GARRE1: variants seen among roughly 807,000 people sequenced by gnomAD.
GARRE1 encodes granule associated Rac and RHOG effector 1, also known as granule associated Rac and RHOG effector protein 1.
Under a neutral mutation model 103.2 loss-of-function variants are expected in GARRE1, and 49 were observed. The observed-to-expected ratio is 0.47, with a 90% CI of 0.38 to 0.60. The LOEUF (loss-of-function observed/expected upper bound fraction) is 0.60, where lower values mean the gene tolerates loss of function less well. GARRE1 is among the 20% of genes least tolerant of loss of function. The probability of loss-of-function intolerance (pLI) is 0.00; values close to 1 mark genes in which losing one functional copy is unlikely to be tolerated. For synonymous variants in GARRE1, 505 were observed against 532.8 expected, an observed-to-expected ratio of 0.95 and a Z score of 0.72; for missense variants, 1,199 against 1,370.5, an observed-to-expected ratio of 0.87 and a Z score of 1.98.
chr19:34,336,597 A>G (rs2074162313), intron 8 of GARRE1, among the ~76,000 whole-genome samples: 1 of 151,804 alleles, frequency 6.6e-6, no homozygotes, highest in African/African-American at 2.4e-5. Context: ...CTTCCTGAGT[A>G]GCTGGGATTA....
At chr19:34,273,469 A>G (rs1221742671) in intron 1 of GARRE1, among the ~76,000 whole-genome samples, 5 of 152,194 alleles carry the variant, frequency 3.3e-5, no homozygotes, top group African/African-American at 9.7e-5. Context: ...GGCAAGGGTG[A>G]CTTCATGAAT....
chr19:34,262,249 C>CTGGGATTACA (rs2073722767), intron 1 of GARRE1, among the ~76,000 whole-genome samples: 1 of 131,196 alleles, frequency 7.6e-6, no homozygotes, highest in Non-Finnish European at 1.6e-5. Context: ...TCCCAAAGTG[C>CTGGGATTACA]TGGGATTACA....
rs1053813234 is a variant in GARRE1, at chr19:34,352,738, A to G, written c.2996A>G (p.Tyr999Cys). The stretch of plus-strand genomic sequence containing the variant: ...CTGCCCAGCCCCAGCGCACCACTCT[A>G]TGCAGTCACCAGCCCTGGCAGCCAG... ...STLPSPSAPL[Y>C]AVTSPGSQWN... is the part of the protein sequence containing the mutation. Residue 999 changes from tyrosine (Y) to cysteine (C), a missense_variant, in exon 14 of 14, where the codon TAT becomes TGT. Coordinates refer to ENST00000299505, the MANE Select transcript of GARRE1 (RefSeq NM_014686.5). 4 of 1,614,062 alleles carry G rather than the reference A, an allele frequency of 2.5e-6. No individual in the cohort carries two copies. The East Asian group carries it at 6.7e-5, about 27-fold the overall frequency.
intron 8 of GARRE1, 52 bp downstream of exon 8, chr19:34,333,853 C>T (rs1379706560): frequency 1.9e-6 from 2 of 1,065,418 alleles, no homozygotes; most frequent in Non-Finnish European, 2.9e-6. Context: ...GACGTTTGCA[C>T]ATCTTTGAAA....
intron 10 of GARRE1, among the ~76,000 whole-genome samples, chr19:34,346,543 A>G (rs1402027655): frequency 6.6e-6 from 1 of 152,188 alleles, no homozygotes; most frequent in African/African-American, 2.4e-5. Context: ...CGTTCAGGTT[A>G]TCAGTTGGCC....
At chr19:34,331,194 C>T (rs1360804413) in intron 7 of GARRE1, among the ~76,000 whole-genome samples, 2 of 151,282 alleles carry the variant, frequency 1.3e-5, no homozygotes, top group Admixed American at 6.7e-5. Context: ...CCACCACACC[C>T]GGCCCTTAAA....
chr19:34,280,716 G>A (rs922923441), intron 1 of GARRE1, among the ~76,000 whole-genome samples: 3 of 152,038 alleles, frequency 2.0e-5, no homozygotes, highest in African/African-American at 7.2e-5. Flanking sequence ...GATCGTTAAT[G>A]GCACTTATTT....
At chr19:34,257,553 C>T (rs768505186) in intron 1 of GARRE1, among the ~76,000 whole-genome samples, 3 of 152,038 alleles carry the variant, frequency 2.0e-5, no homozygotes, top group Non-Finnish European at 4.4e-5. Flanking sequence ...AAATGATGAT[C>T]TTCCTAGGTA....
rs1377230498 is a variant in GARRE1, at chr19:34,314,291, T to C, written c.496-5616T>C. 1.7e-4 allele frequency among the ~76,000 whole-genome samples: 26 copies of C among 152,144 alleles called. 1 individual carries two copies. Among genetic ancestry groups the C allele is most frequent in the Non-Finnish European group, 1.5e-5 (1 of 68,032 alleles). On this transcript the variant is annotated intron_variant, in intron 2 of 13. Coordinates refer to ENST00000299505, the MANE Select transcript of GARRE1 (RefSeq NM_014686.5). ...GTAAAACTTCCTGTGTGTATTGATA[T>C]GGTAACAGATTTTTAATATATTTTG...
chr19:34,312,448 T>C (rs1441382652), intron 2 of GARRE1, among the ~76,000 whole-genome samples: 1 of 152,226 alleles, frequency 6.6e-6, no homozygotes, highest in East Asian at 1.9e-4. Context: ...CAATAACTCC[T>C]GGTTGCCCTC....
intron 1 of GARRE1, among the ~76,000 whole-genome samples, chr19:34,272,812 GT>G (rs1568524735): frequency 6.6e-6 from 1 of 152,190 alleles, no homozygotes; most frequent in African/African-American, 2.4e-5. Context: ...TAGCTGTGTG[GT>G]GACCACTACC....
At chr19:34,330,485 G>A (rs1599776483) in intron 7 of GARRE1, 138 bp downstream of exon 7, 1 of 793,066 alleles carries the variant, frequency 1.3e-6, no homozygotes, top group Admixed American at 2.8e-5. Flanking sequence ...GACCAGGCAG[G>A]TAGACAAGGT....
chr19:34,277,251 A>G (rs1261126272), intron 1 of GARRE1, among the ~76,000 whole-genome samples: 3 of 152,180 alleles, frequency 2.0e-5, no homozygotes, highest in Non-Finnish European at 4.4e-5. Context: ...GATTTTATTC[A>G]AAGTGCCAGG....
chr19:34,352,869 C>G lies in GARRE1; in HGVS notation c.3127C>G (p.Pro1043Ala), dbSNP rs1372958033. ...YVQTPPQPPP[P>A]PAHKAAPKGF... ...GCAGACCCCACCCCAGCCCCCACCCCCACCAGCACACAAGGCAGCACCCAA... is the reference window on the plus strand; with the variant it reads ...GCAGACCCCACCCCAGCCCCCACCCGCACCAGCACACAAGGCAGCACCCAA... Residue 1043 changes from proline (P) to alanine (A), a missense_variant, in exon 14 of 14, where the codon CCA becomes GCA. Transcript: ENST00000299505. 3.1e-6 allele frequency: 5 copies of G among 1,589,444 alleles called. No homozygotes were observed. The highest frequency in any genetic ancestry group is 3.6e-5 in the Admixed American group (2 of 55,824).
At chr19:34,331,991 T>TAAAA (rs77839977) in intron 7 of GARRE1, among the ~76,000 whole-genome samples, 1 of 136,078 alleles carries the variant, frequency 7.3e-6, no homozygotes, top group African/African-American at 2.7e-5. Flanking sequence ...ATCCAGTCTT[T>TAAAA]AAAAAAAAAA....
intron 2 of GARRE1, among the ~76,000 whole-genome samples, chr19:34,306,982 A>G (rs1019219224): frequency 2.0e-5 from 3 of 152,134 alleles, no homozygotes; most frequent in African/African-American, 7.2e-5. Context: ...GAAAGGGATG[A>G]GAGAGCAAGC....
intron 3 of GARRE1, among the ~76,000 whole-genome samples, chr19:34,323,573 C>T (rs2074099144): frequency 6.6e-6 from 1 of 152,162 alleles, no homozygotes; most frequent in Non-Finnish European, 1.5e-5. Flanking sequence ...TAATTGGAGG[C>T]TGTGTGTGGG....
In GARRE1 at chr19:34,299,927, A is replaced by G. The variant is rs2073967820; in HGVS notation, c.-547A>G. The G allele has an allele frequency of 6.6e-6, 1 of 152,272 alleles. No individual in the cohort carries two copies. The allele number at this position is 152,272 out of a possible 1,614,324, so 9.4% of individuals were successfully genotyped here. A position where few individuals can be genotyped will look rare whatever the true frequency, so the allele number is the denominator to read the frequency against. On this transcript the variant is annotated 5_prime_UTR_variant, in exon 2 of 14. Coordinates refer to ENST00000299505, the MANE Select transcript of GARRE1 (RefSeq NM_014686.5). ...TTGCATAGAAGCAGCCTTACAGGTA[A>G]ACGGATTTGACGGGCAGGCTCTGTC... is the stretch of plus-strand genomic sequence containing the variant.
At chr19:34,319,207 T>G (rs1443787406) in intron 2 of GARRE1, among the ~76,000 whole-genome samples, 6 of 152,196 alleles carry the variant, frequency 3.9e-5, no homozygotes, top group Admixed American at 2.0e-4. Flanking sequence ...CATCTTATTA[T>G]AATTACATAT....
Sources: gnomAD v4.1 joint callset for allele counts (sites outside exome capture counted in the v4.1 genomes callset) on GRCh38, gnomAD v4.1.1 for gene constraint, MANE v1.5 for transcripts, NCBI Gene and HGNC (gene_info 2026-07-23, HGNC 2026-07-21) for gene names.